PTPN21: variants seen among roughly 807,000 people sequenced by gnomAD.
PTPN21 encodes the protein tyrosine-protein phosphatase non-receptor type 21.
Under a neutral mutation model 131.8 loss-of-function variants are expected in PTPN21, and 77 were observed. The observed-to-expected ratio is 0.58, with a 90% CI of 0.49 to 0.71. The LOEUF (loss-of-function observed/expected upper bound fraction) is 0.71. PTPN21 is among the 30% of genes least tolerant of loss of function. The pLI, the probability that PTPN21 is intolerant of heterozygous loss-of-function variation, is 0.00. For synonymous variants in PTPN21, 715 were observed against 621.3 expected, an observed-to-expected ratio of 1.15 and a Z score of -2.24; for missense variants, 1,552 against 1,527.1, an observed-to-expected ratio of 1.02 and a Z score of -0.27.
intron 2 of PTPN21, among the ~76,000 whole-genome samples, chr14:88,543,501 T>G (rs1381079969): frequency 6.6e-6 from 1 of 152,258 alleles, no homozygotes; most frequent in Non-Finnish European, 1.5e-5. Context: ...TTAATTGTAC[T>G]GCTGTCCATG....
At chr14:88,511,457 G>A (rs900596050) in intron 3 of PTPN21, among the ~76,000 whole-genome samples, 2 of 152,088 alleles carry the variant, frequency 1.3e-5, no homozygotes, top group African/African-American at 4.8e-5. Context: ...TGGATCACGA[G>A]GTCAGAAGGT....
At chr14:88,480,549 C>T (rs2077638950) in intron 12 of PTPN21, among the ~76,000 whole-genome samples, 197 bp from the exon 13 acceptor site, 2 of 152,136 alleles carry the variant, frequency 1.3e-5, no homozygotes, top group Admixed American at 1.3e-4. Context: ...GGGCATGGCT[C>T]TGCCTACTTA....
chr14:88,505,363 C>A lies in PTPN21; in HGVS notation c.457G>T (p.Gly153Cys). The A allele has an allele frequency of 6.2e-7, 1 of 1,601,722 alleles. No individual in the cohort carries two copies. Among genetic ancestry groups the A allele is most frequent in the Non-Finnish European group, 8.5e-7 (1 of 1,171,730 alleles). The change falls in exon 5 of 19, where the codon GGT (glycine) becomes TGT (cysteine). Residue 153 changes from glycine to cysteine, a missense_variant. Coordinates refer to ENST00000556564, the MANE Select transcript of PTPN21 (RefSeq NM_007039.4). ...TGGGATTCATACTGATCAAAGTCAC[C>A]AAAATCCGCTATATAGAATGACAAA... Reference protein sequence around the residue: ...LAGLAVQADFGDFDQYESQDF... With the variant: ...LAGLAVQADFCDFDQYESQDF...
At chr14:88,534,822 A>G (rs2078606128) in intron 2 of PTPN21, among the ~76,000 whole-genome samples, 1 of 152,144 alleles carries the variant, frequency 6.6e-6, no homozygotes, top group East Asian at 1.9e-4. Context: ...GGCTGCAGTG[A>G]GCCATGATTG....
intron 13 of PTPN21, among the ~76,000 whole-genome samples, chr14:88,476,409 A>C (rs1452511554): frequency 5.3e-5 from 8 of 152,182 alleles, no homozygotes; most frequent in Non-Finnish European, 1.2e-4. Flanking sequence ...TCATTTACAA[A>C]TGTAAAAACT....
chr14:88,518,386 GTATATATATATATA>G lies in PTPN21; in HGVS notation c.181-1139_181-1126del, dbSNP rs71126987. On this transcript the variant is annotated intron_variant, in intron 2 of 18. Coordinates refer to ENST00000556564, the MANE Select transcript of PTPN21 (RefSeq NM_007039.4). The stretch of plus-strand genomic sequence containing the variant: ...CACGTGTGTGTGTATGTGTGTGTGT[GTATATATATATATA>G]TATATATATATATATTTTTTTTTTT... Among the ~76,000 whole-genome samples the G allele has an allele frequency of 1.1e-3, 11 of 9,704 alleles. 1 individual carries two copies. The highest frequency in any genetic ancestry group is 5.3e-3 in the South Asian group (1 of 190). 6.4% of individuals were successfully genotyped at this position (9,704 alleles called of 152,430 possible). A position where few individuals can be genotyped will look rare whatever the true frequency, so the allele number is the denominator to read the frequency against.
chr14:88,553,847 TTAAAA>T (rs1342864072), intron 1 of PTPN21, among the ~76,000 whole-genome samples: 1 of 152,136 alleles, frequency 6.6e-6, no homozygotes, highest in African/African-American at 2.4e-5. Flanking sequence ...CAAAGTTGCT[TTAAAA>T]TAAAATAAGC....
intron 2 of PTPN21, chr14:88,547,692 G>A (rs747281358): frequency 8.8e-6 from 4 of 455,116 alleles, no homozygotes; most frequent in Admixed American, 2.4e-5. Context: ...ACTGGTTACT[G>A]AGGCCTGCTG....
chr14:88,499,810 G>C lies in PTPN21; in HGVS notation c.764+973C>G, dbSNP rs185910341. Among the ~76,000 whole-genome samples, 256 of 152,256 alleles carry C rather than the reference G, an allele frequency of 1.7e-3. 1 individual carries two copies. The highest frequency in any genetic ancestry group is 3.7e-3 in the Admixed American group (57 of 15,306). On this transcript the variant is annotated intron_variant, in intron 8 of 18. Coordinates refer to ENST00000556564, the MANE Select transcript of PTPN21 (RefSeq NM_007039.4). The stretch of plus-strand genomic sequence containing the variant: ...TTGGACATGAACTTTGGGTTTTCCA[G>C]ATAACAGATTTTAAGGAATTAAAGG...
At chr14:88,470,163 A>G (rs977878189) in intron 15 of PTPN21, 113 bp from the exon 16 acceptor site, 3 of 967,576 alleles carry the variant, frequency 3.1e-6, no homozygotes. Flanking sequence ...AAAAAGTAAA[A>G]AAGTAGTAAA....
In PTPN21 at chr14:88,500,811, T is replaced by C; in HGVS notation, c.736A>G (p.Lys246Glu). Reference sequence around the variant, plus strand: ...AATACCACAGGATGCCTTCCATTCTTGTGTTTCACAAAGATACCTTCAAGA... The same window carrying C: ...AATACCACAGGATGCCTTCCATTCTCGTGTTTCACAAAGATACCTTCAAGA... ...ACLEGIFVKH[K>E]NGRHPVVFRW... Residue 246 changes from lysine to glutamate, a missense_variant, in exon 8 of 19, where the codon AAG (lysine) becomes GAG (glutamate). By Grantham distance (56) the Lys-to-Glu change is moderately conservative. Transcript: ENST00000556564. 1 of 1,613,714 alleles carries C rather than the reference T, an allele frequency of 6.2e-7. No homozygotes were observed. The highest frequency in any genetic ancestry group is 8.5e-7 in the Non-Finnish European group (1 of 1,179,620).
At position 88,479,058 on chromosome 14, in the gene PTPN21, C is replaced by CA. The variant is rs1566811685; in HGVS notation, c.2372dup (p.Leu792AlafsTer62). The CA allele has an allele frequency of 5.6e-6, 9 of 1,606,798 alleles. No individual in the cohort carries two copies. The highest frequency in any genetic ancestry group is 6.8e-6 in the Non-Finnish European group (8 of 1,177,450). ...CGGACTCCGACATGGAGGGCATCAGCAGCCCGTCTCTCCAGGGCCGCTGGG... is the reference window on the plus strand; with the variant it reads ...CGGACTCCGACATGGAGGGCATCAGCAAGCCCGTCTCTCCAGGGCCGCTGGG... On this transcript the variant is annotated frameshift_variant, in exon 13 of 19. Coordinates refer to ENST00000556564, the MANE Select transcript of PTPN21 (RefSeq NM_007039.4). LOFTEE classifies it high-confidence loss of function.
Position 88,550,276 on chromosome 14 carries a change from T to C in PTPN21, c.142A>G (p.Ser48Gly). The C allele has an allele frequency of 6.2e-7, 1 of 1,614,152 alleles. No homozygotes were observed. Among genetic ancestry groups the C allele is most frequent in the South Asian group, 1.1e-5 (1 of 91,078 alleles). ...AGCCTCTGGGCCACGGCCTCGAGGC[T>C]TTCCTGGCCAGTGCTCTCCACGGAC... Reference protein sequence around the residue: ...TLSVESTGQESLEAVAQRLEL... With the variant: ...TLSVESTGQEGLEAVAQRLEL... The change falls in exon 2 of 19, where the codon AGC becomes GGC. Residue 48 changes from serine (S) to glycine (G), a missense_variant. By Grantham distance (56) the Ser-to-Gly change is moderately conservative (BLOSUM62 0). This residue lies in a region of PTPN21 where 206 missense variants were observed against 221.6 expected (regional missense o/e 0.93). Coordinates refer to ENST00000556564, the MANE Select transcript of PTPN21 (RefSeq NM_007039.4).
In PTPN21 at chr14:88,508,444, A is replaced by G. The variant is rs143018482; in HGVS notation, c.351-424T>C. 2.9e-3 allele frequency among the ~76,000 whole-genome samples: 437 copies of G among 152,272 alleles called. 5 individuals are homozygous for G. Among genetic ancestry groups the G allele is most frequent in the African/African-American group, 9.9e-3 (413 of 41,560 alleles). On this transcript the variant is annotated intron_variant, in intron 3 of 18. Transcript: ENST00000556564. ...ACTACGGACATGAACCACCACACAG[A>G]GCCCCTAGACAGTTTCAAACAAGGA...
intron 12 of PTPN21, among the ~76,000 whole-genome samples, chr14:88,483,172 A>G (rs1038733549): frequency 3.3e-5 from 5 of 149,404 alleles, no homozygotes; most frequent in African/African-American, 1.2e-4. Flanking sequence ...AGATCGCGCC[A>G]CTTCACTCCA....
intron 12 of PTPN21, among the ~76,000 whole-genome samples, chr14:88,482,029 A>G (rs924382333): frequency 2.6e-5 from 4 of 152,244 alleles, no homozygotes; most frequent in Non-Finnish European, 5.9e-5. Context: ...CTGCTAGTAC[A>G]GTGTGCAACG....
At chr14:88,533,808 C>A (rs1290548171) in intron 2 of PTPN21, among the ~76,000 whole-genome samples, 1 of 151,966 alleles carries the variant, frequency 6.6e-6, no homozygotes. Context: ...AAGTTCGAGG[C>A]TGCAGTGAGC....
intron 13 of PTPN21, among the ~76,000 whole-genome samples, chr14:88,477,452 A>C (rs1296427698): frequency 3.7e-5 from 5 of 136,742 alleles, no homozygotes; most frequent in African/African-American, 1.0e-4. Flanking sequence ...GTTCTAAAAA[A>C]AAAAAAAAAA....
At chr14:88,514,082 T>C (rs953962960) in intron 3 of PTPN21, 1 of 152,238 alleles carries the variant, frequency 6.6e-6, no homozygotes, top group Non-Finnish European at 1.5e-5. Context: ...ATTTGTTATA[T>C]AGTTTTTGGA....
Sources: gnomAD v4.1 joint callset for allele counts (sites outside exome capture counted in the v4.1 genomes callset) on GRCh38, gnomAD v4.1.1 for gene constraint, gnomAD v4.1.1 regional missense constraint, MANE v1.5 for transcripts, NCBI Gene and HGNC (gene_info 2026-07-23, HGNC 2026-07-21) for gene names.